The following BCL9 variants were observed in gnomAD, a reference collection of about 807,000 sequenced individuals.
BCL9 encodes the protein B-cell CLL/lymphoma 9 protein.
A neutral mutation model predicts 88.5 loss-of-function variants in BCL9; 25 were observed. The observed-to-expected ratio is 0.28, with a 90% CI of 0.21 to 0.39. The LOEUF (loss-of-function observed/expected upper bound fraction) is 0.39. Among genes scored for constraint, BCL9 ranks in the 10% least tolerant of loss-of-function variants. The pLI is 1.00. For synonymous variants in BCL9, 711 were observed against 673.3 expected (o/e 1.06, Z -0.87); for missense variants, 1,817 against 1,877.8 (o/e 0.97, Z 0.60).
intron 1 of BCL9, among the ~76,000 whole-genome samples, chr1:147,586,087 T>C (rs1656589376): frequency 6.6e-6 from 1 of 152,120 alleles, no homozygotes; most frequent in Non-Finnish European, 1.5e-5. Flanking sequence ...GCACTTTATC[T>C]CTCAACTGAT....
chr1:147,622,896 G>T (rs150189417), intron 9 of BCL9, among the ~76,000 whole-genome samples: 1 of 151,418 alleles, frequency 6.6e-6, no homozygotes, highest in Non-Finnish European at 1.5e-5. Context: ...TTTTTTTTCT[G>T]GAAGAGCAGC....
Position 147,625,041 on chromosome 1 carries a change from C to A in BCL9, c.*82C>A. 6.6e-7 allele frequency: 1 copy of A among 1,505,808 alleles called. No homozygotes were observed. Among genetic ancestry groups the A allele is most frequent in the Admixed American group, 2.0e-5 (1 of 50,230 alleles). 93.3% of individuals were successfully genotyped at this position (1,505,808 alleles called of 1,614,324 possible). ...CTGCTTTGAGGGAGTTCCAGGAGTA[C>A]TTACTATTGGTCATGCAATAGGAGA... On this transcript the variant is annotated 3_prime_UTR_variant, in exon 10 of 10. Transcript: ENST00000234739.
intron 8 of BCL9, among the ~76,000 whole-genome samples, chr1:147,621,465 G>GT (rs1180998034): frequency 6.6e-6 from 1 of 152,210 alleles, no homozygotes; most frequent in African/African-American, 2.4e-5. Flanking sequence ...GGAAGCTGCT[G>GT]TAAGACTTGT....
At chr1:147,584,920 C>T (rs1305111794) in intron 1 of BCL9, among the ~76,000 whole-genome samples, 1 of 152,106 alleles carries the variant, frequency 6.6e-6, no homozygotes, top group Non-Finnish European at 1.5e-5. Flanking sequence ...TTTGTAACCT[C>T]GGAGGTTGGA....
chr1:147,584,783 T>C (rs1656527155), intron 1 of BCL9, among the ~76,000 whole-genome samples: 1 of 152,214 alleles, frequency 6.6e-6, no homozygotes, highest in South Asian at 2.1e-4. Context: ...GTTTAGCTCC[T>C]AAAGTACACA....
Position 147,611,063 on chromosome 1 carries a change from C to T in BCL9, c.-259-515C>T, listed in dbSNP as rs139156622. Reference sequence around the variant, plus strand: ...TCAGAAGTACCTCCTTTAAAGTCCCCCCGCCCCCAAGGCCCTGAGAGTGTA... The same window carrying T: ...TCAGAAGTACCTCCTTTAAAGTCCCTCCGCCCCCAAGGCCCTGAGAGTGTA... On this transcript the variant is annotated intron_variant, in intron 3 of 9. Transcript: ENST00000234739. Among the ~76,000 whole-genome samples, 413 of 152,136 alleles carry T rather than the reference C, an allele frequency of 2.7e-3. 5 individuals are homozygous for T. The highest frequency in any genetic ancestry group is 0.019 in the East Asian group (99 of 5,172).
intron 1 of BCL9, among the ~76,000 whole-genome samples, chr1:147,562,910 A>C (rs1655442708): frequency 6.6e-6 from 1 of 152,242 alleles, no homozygotes; most frequent in Non-Finnish European, 1.5e-5. Flanking sequence ...GAAGCCCTAC[A>C]GGATCTGGTC....
intron 1 of BCL9, among the ~76,000 whole-genome samples, chr1:147,596,775 T>C (rs587768446): frequency 2.6e-5 from 4 of 152,306 alleles, no homozygotes; most frequent in African/African-American, 7.2e-5. Flanking sequence ...TTTTCAATTA[T>C]TAATGACTCT....
chr1:147,587,583 T>G (rs1656672321), intron 1 of BCL9, among the ~76,000 whole-genome samples: 2 of 151,470 alleles, frequency 1.3e-5, no homozygotes, highest in Admixed American at 6.6e-5. Flanking sequence ...GTTTGTTTAA[T>G]TGAGTTGTAG....
Position 147,623,885 on chromosome 1 carries a change from C to G in BCL9, c.3207C>G (p.Asn1069Lys), listed in dbSNP as rs587706132. The change falls in exon 10 of 10, where the codon AAC becomes AAG. Residue 1069 changes from asparagine to lysine, a missense_variant. Physicochemically the swap from Asn to Lys is moderately conservative, Grantham distance 94. Transcript: ENST00000234739. ...AGAATCCTCGAATTTCAGGTCCAAA[C>G]CCCGTGGTTCCGATGCCAACCCTCA... Reference protein sequence around the residue: ...NTQNPRISGPNPVVPMPTLSP... With the variant: ...NTQNPRISGPKPVVPMPTLSP... 2 of 1,614,150 alleles carry G rather than the reference C, an allele frequency of 1.2e-6. No individual in the cohort carries two copies. Among genetic ancestry groups the G allele is most frequent in the Non-Finnish European group, 1.7e-6 (2 of 1,180,000 alleles).
chr1:147,581,805 T>C (rs1316483403), intron 1 of BCL9, among the ~76,000 whole-genome samples: 6 of 152,224 alleles, frequency 3.9e-5, no homozygotes, highest in African/African-American at 1.2e-4. Flanking sequence ...CTGTTTTTCA[T>C]TGCAGATATT....
intron 1 of BCL9, among the ~76,000 whole-genome samples, chr1:147,569,904 T>C (rs1329116898): frequency 6.6e-6 from 1 of 152,046 alleles, no homozygotes; most frequent in Non-Finnish European, 1.5e-5. Flanking sequence ...CTTAGGCATC[T>C]GAATATTAAA....
chr1:147,580,092 C>T (rs145389587), intron 1 of BCL9, among the ~76,000 whole-genome samples: 212 of 152,314 alleles, frequency 1.4e-3, no homozygotes, highest in African/African-American at 4.9e-3. Flanking sequence ...ATCCTCCCTG[C>T]CTCCATGCCA....
chr1:147,615,781 G>T, intron 6 of BCL9, 22 bp from the exon 7 acceptor site: 1 of 1,593,482 alleles, frequency 6.3e-7, no homozygotes, highest in Non-Finnish European at 8.6e-7. Context: ...TCTAGTGTGT[G>T]CTGTCTCTTC....
At chr1:147,566,528 A>G (rs1232198747) in intron 1 of BCL9, among the ~76,000 whole-genome samples, 1 of 152,104 alleles carries the variant, frequency 6.6e-6, no homozygotes, top group East Asian at 1.9e-4. Context: ...AGGCCGAGGC[A>G]GGCGGATCAC....
chr1:147,544,080 C>A (rs781877277), intron 1 of BCL9, among the ~76,000 whole-genome samples: 13 of 152,158 alleles, frequency 8.5e-5, no homozygotes, highest in Non-Finnish European at 1.5e-4. Context: ...AAATACTGGG[C>A]ACTGAGGATA....
At chr1:147,557,634 C>CAA (rs199597866) in intron 1 of BCL9, among the ~76,000 whole-genome samples, 4,270 of 152,134 alleles carry the variant, frequency 0.028, 107 homozygotes, top group Non-Finnish European at 0.042. Context: ...ATATACTGAG[C>CAA]AAGCAGAGTT....
chr1:147,561,042 G>C (rs1553196053), intron 1 of BCL9, among the ~76,000 whole-genome samples: 1 of 152,302 alleles, frequency 6.6e-6, no homozygotes, highest in African/African-American at 2.4e-5. Flanking sequence ...CCATGAGGAG[G>C]TTCATTCACT....
At chr1:147,603,657 A>G (rs1357976123) in intron 1 of BCL9, among the ~76,000 whole-genome samples, 3 of 138,972 alleles carry the variant, frequency 2.2e-5, no homozygotes, top group South Asian at 5.0e-4. Flanking sequence ...ACACGCTACC[A>G]TGCCCAGCTA....
Sources: allele counts gnomAD v4.1 joint callset (sites outside exome capture counted in the v4.1 genomes callset), GRCh38; gene constraint gnomAD v4.1.1; transcripts MANE v1.5; gene names NCBI Gene and HGNC (gene_info 2026-07-23, HGNC 2026-07-21).